Variants in CALN1 observed in about 807,000 individuals in gnomAD.
The protein encoded by CALN1 is calneuron 1, also known as calcium-binding protein 8.
CALN1 carries 17 observed loss-of-function variants against 30.6 expected under a neutral mutation model. The observed-to-expected ratio is 0.56, with a 90% CI of 0.38 to 0.83. The LOEUF (loss-of-function observed/expected upper bound fraction) is 0.83, where lower values mean the gene tolerates loss of function less well. Ranked by LOEUF, CALN1 falls within the 40% of genes least tolerant of loss-of-function variation. CALN1 has a pLI of 0.00. For synonymous variants in CALN1, 156 were observed against 131.4 expected (o/e 1.19, Z -1.28); for missense variants, 291 against 354.9 (o/e 0.82, Z 1.45).
chr7:72,139,717 C>G (rs571835522), intron 3 of CALN1, among the ~76,000 whole-genome samples: 2 of 152,196 alleles, frequency 1.3e-5, no homozygotes, highest in African/African-American at 4.8e-5. Context: ...CTAAGCTCCT[C>G]GGTCACCTCC....
intron 2 of CALN1, among the ~76,000 whole-genome samples, chr7:72,376,013 C>CTTCT (rs1182796960): frequency 6.6e-6 from 1 of 152,164 alleles, no homozygotes; most frequent in Non-Finnish European, 1.5e-5. Context: ...CATATACAGC[C>CTTCT]TTCTGTGTCC....
At chr7:72,311,099 G>T (rs1229439717) in intron 2 of CALN1, among the ~76,000 whole-genome samples, 1 of 151,804 alleles carries the variant, frequency 6.6e-6, no homozygotes, top group Admixed American at 6.6e-5. Flanking sequence ...CACCCCTTGG[G>T]GAACAAGACC....
intron 3 of CALN1, among the ~76,000 whole-genome samples, chr7:72,185,731 TGTG>T (rs1790142578): frequency 6.6e-6 from 1 of 152,172 alleles, no homozygotes; most frequent in South Asian, 2.1e-4. Context: ...ATGCTGTTCT[TGTG>T]GTAGTGAATA....
At chr7:72,370,223 T>C (rs529814269) in intron 2 of CALN1, among the ~76,000 whole-genome samples, 6 of 152,316 alleles carry the variant, frequency 3.9e-5, no homozygotes, top group Middle Eastern at 3.4e-3. Flanking sequence ...TCAATGATGT[T>C]GAATATCTTC....
intron 3 of CALN1, among the ~76,000 whole-genome samples, chr7:72,253,148 T>C (rs1047293431): frequency 6.6e-6 from 1 of 152,212 alleles, no homozygotes; most frequent in Non-Finnish European, 1.5e-5. Flanking sequence ...GCTGGACCTC[T>C]GTCTGATTGA....
rs536404377 is a variant in CALN1, at chr7:71,973,995, G to A, written c.501+49662C>T. Among the ~76,000 whole-genome samples the A allele has an allele frequency of 1.4e-4, 21 of 152,258 alleles. No individual in the cohort carries two copies. In the South Asian group the frequency reaches 1.9e-3, roughly 14 times the overall value. The stretch of plus-strand genomic sequence containing the variant: ...TAATAAAGCCCCATTTCTTCAAAAT[G>A]TCTAAATAATGAGGTATCTCTAAGT... On this transcript the variant is annotated intron_variant, in intron 5 of 6. Coordinates refer to ENST00000395275, the MANE Select transcript of CALN1 (RefSeq NM_031468.4).
chr7:72,307,541 A>G (rs533232006), intron 2 of CALN1, among the ~76,000 whole-genome samples: 1 of 152,318 alleles, frequency 6.6e-6, no homozygotes, highest in African/African-American at 2.4e-5. Context: ...AGCAGAAGTC[A>G]CAGCCTGTGG....
At chr7:72,260,894 G>A (rs117634964) in intron 3 of CALN1, among the ~76,000 whole-genome samples, 4,187 of 152,186 alleles carry the variant, frequency 0.028, 75 homozygotes, top group African/African-American at 0.046. Context: ...GTGCTTCTAG[G>A]TTCAGAGATG....
At chr7:72,031,827 C>T (rs1041126121) in intron 4 of CALN1, among the ~76,000 whole-genome samples, 1 of 150,990 alleles carries the variant, frequency 6.6e-6, no homozygotes, top group Non-Finnish European at 1.5e-5. Context: ...TCGCAACCTC[C>T]GCCTTCCGGG....
At chr7:72,173,738 CAT>C (rs1242723601) in intron 3 of CALN1, among the ~76,000 whole-genome samples, 4 of 151,982 alleles carry the variant, frequency 2.6e-5, no homozygotes, top group African/African-American at 7.2e-5. Flanking sequence ...TAAATATCCA[CAT>C]GAGAAAGAAA....
intron 3 of CALN1, among the ~76,000 whole-genome samples, chr7:72,145,037 C>T (rs548162985): frequency 1.3e-5 from 2 of 152,214 alleles, no homozygotes; most frequent in African/African-American, 4.8e-5. Context: ...CTAAAAATGA[C>T]ACCCTAACAT....
intron 3 of CALN1, among the ~76,000 whole-genome samples, chr7:72,145,443 G>C (rs1486458668): frequency 1.3e-5 from 2 of 152,122 alleles, no homozygotes; most frequent in African/African-American, 4.8e-5. Flanking sequence ...TCTCTGAATA[G>C]ACCAATAACA....
intron 3 of CALN1, among the ~76,000 whole-genome samples, chr7:72,265,853 G>C (rs1337742080): frequency 6.6e-6 from 1 of 152,006 alleles, no homozygotes. Context: ...AACTACAAAG[G>C]CTGGGCGCAG....
chr7:71,829,039 C>T (rs945593277), intron 5 of CALN1, among the ~76,000 whole-genome samples: 2 of 152,046 alleles, frequency 1.3e-5, no homozygotes, highest in Non-Finnish European at 2.9e-5. Context: ...TCCACCGCGC[C>T]CGGCCACATA....
intron 4 of CALN1, among the ~76,000 whole-genome samples, chr7:72,027,597 G>A (rs922337266): frequency 1.3e-5 from 2 of 151,938 alleles, no homozygotes; most frequent in Admixed American, 6.6e-5. Flanking sequence ...TGTAGTCCCA[G>A]CTACGTGGGA....
chr7:72,063,984 C>CT (rs892351604), intron 4 of CALN1, among the ~76,000 whole-genome samples: 3 of 152,100 alleles, frequency 2.0e-5, no homozygotes, highest in African/African-American at 7.2e-5. Flanking sequence ...TTAAAAACTT[C>CT]TTTTTCTGGC....
chr7:72,014,942 G>A (rs1234233552), intron 5 of CALN1, among the ~76,000 whole-genome samples: 2 of 152,180 alleles, frequency 1.3e-5, no homozygotes, highest in African/African-American at 2.4e-5. Flanking sequence ...GATTACAGGC[G>A]TGAGACACTG....
At chr7:72,371,685 ATG>A (rs1250703874) in intron 2 of CALN1, among the ~76,000 whole-genome samples, 1 of 152,196 alleles carries the variant, frequency 6.6e-6, no homozygotes, top group Non-Finnish European at 1.5e-5. Flanking sequence ...GTATGCATGT[ATG>A]TGTTATGTAT....
chr7:72,117,278 C>T (rs1808052372), intron 3 of CALN1, among the ~76,000 whole-genome samples: 2 of 152,134 alleles, frequency 1.3e-5, no homozygotes, highest in African/African-American at 2.4e-5. Flanking sequence ...GATCATACCA[C>T]ACTTAAGAAG....
Sources: gnomAD v4.1 joint callset for allele counts (sites outside exome capture counted in the v4.1 genomes callset) on GRCh38, gnomAD v4.1.1 for gene constraint, MANE v1.5 for transcripts, NCBI Gene and HGNC (gene_info 2026-07-23, HGNC 2026-07-21) for gene names.